Variants in ANXA4 observed in about 807,000 individuals in gnomAD.
ANXA4 encodes the protein annexin A4, also known as 35-beta calcimedin.
Under a neutral mutation model 49.8 loss-of-function variants are expected in ANXA4, and 39 were observed. That is an observed-to-expected ratio of 0.78 (90% CI 0.61 to 1.02). The LOEUF is 1.02. ANXA4 is among the 50% of genes least tolerant of loss of function. ANXA4 has a pLI of 0.00. For missense variants in ANXA4, 360 were observed against 410.1 expected (o/e 0.88, Z 1.05); for synonymous variants, 134 against 152.5 (o/e 0.88, Z 0.89).
At chr2:69,810,810 A>C in intron 7 of ANXA4, 137 bp downstream of exon 7, 3 of 674,576 alleles carry the variant, frequency 4.4e-6, no homozygotes, top group Non-Finnish European at 7.9e-6. Flanking sequence ...CTGTTCCTTT[A>C]TCTTATTTCT....
intron 2 of ANXA4, among the ~76,000 whole-genome samples, chr2:69,717,280 G>A (rs1669669291): frequency 6.6e-6 from 1 of 152,174 alleles, no homozygotes; most frequent in Non-Finnish European, 1.5e-5. Flanking sequence ...CTGGCATTGA[G>A]GTGGCAGGAG....
At chr2:69,789,041 C>A (rs1186449725) in intron 3 of ANXA4, among the ~76,000 whole-genome samples, 1 of 151,962 alleles carries the variant, frequency 6.6e-6, no homozygotes, top group African/African-American at 2.4e-5. Context: ...TTGTTTAAAC[C>A]TGCTTTGAAT....
At chr2:69,757,275 T>A (rs1188566877) in intron 1 of ANXA4, among the ~76,000 whole-genome samples, 80 of 105,554 alleles carry the variant, frequency 7.6e-4, no homozygotes, top group African/African-American at 4.6e-3. Flanking sequence ...TATTTTTTTT[T>A]TTTTTTTTTT....
intron 1 of ANXA4, among the ~76,000 whole-genome samples, chr2:69,751,967 T>C (rs1417453230): frequency 6.6e-6 from 1 of 152,198 alleles, no homozygotes; most frequent in African/African-American, 2.4e-5. Flanking sequence ...TAAAAAATCA[T>C]AGGACTGTAT....
chr2:69,715,975 C>T (rs937515766), intron 2 of ANXA4, among the ~76,000 whole-genome samples: 5 of 152,204 alleles, frequency 3.3e-5, no homozygotes, highest in Admixed American at 1.3e-4. Flanking sequence ...GCTGGGCACA[C>T]GTCACCAGCC....
chr2:69,782,658 G>A (rs1293455210), intron 2 of ANXA4, among the ~76,000 whole-genome samples: 5 of 152,116 alleles, frequency 3.3e-5, no homozygotes, highest in Admixed American at 6.5e-5. Flanking sequence ...CCTAGCCAAC[G>A]TGGAGAATAT....
intron 1 of ANXA4, among the ~76,000 whole-genome samples, chr2:69,746,657 G>T (rs1419375013): frequency 1.3e-5 from 2 of 152,126 alleles, no homozygotes; most frequent in Non-Finnish European, 2.9e-5. Context: ...CAAGTTGTTT[G>T]ATGTCAGTAA....
upstream of ANXA4, among the ~76,000 whole-genome samples, chr2:69,739,554 C>A (rs1209889971): frequency 6.6e-6 from 1 of 151,304 alleles, no homozygotes; most frequent in Non-Finnish European, 1.5e-5. Context: ...TAGAGGCGTG[C>A]GTCACTAGGC....
intron 3 of ANXA4, among the ~76,000 whole-genome samples, chr2:69,797,020 C>T (rs1302232886): frequency 6.6e-6 from 1 of 152,136 alleles, no homozygotes; most frequent in African/African-American, 2.4e-5. Flanking sequence ...AATCAAGGTT[C>T]CCTTCAGCTG....
At chr2:69,736,065 A>G (rs1419958412) in intron 3 of ANXA4, among the ~76,000 whole-genome samples, 1 of 152,140 alleles carries the variant, frequency 6.6e-6, no homozygotes, top group African/African-American at 2.4e-5. Flanking sequence ...TGAGCAAGAG[A>G]GCTAACCGAT....
At chr2:69,672,501 G>C (rs1677228529) in intron 2 of ANXA4, among the ~76,000 whole-genome samples, 1 of 152,078 alleles carries the variant, frequency 6.6e-6, no homozygotes, top group Admixed American at 6.6e-5. Flanking sequence ...CAAAGTGCTG[G>C]AATTACAGGT....
At chr2:69,745,358 T>C (rs954936192) in intron 1 of ANXA4, among the ~76,000 whole-genome samples, 12 of 152,072 alleles carry the variant, frequency 7.9e-5, no homozygotes, top group African/African-American at 2.9e-4. Flanking sequence ...CTGATGGAGC[T>C]GGGAAGGGTT....
chr2:69,825,577 T>C lies in ANXA4; in HGVS notation c.*62T>C. ...CTTTGAATTTTTTTAACTTCATTTT[T>C]CTACACTGCTATTATCATTATCTCA... On this transcript the variant is annotated 3_prime_UTR_variant, in exon 13 of 13. Transcript: ENST00000394295. The C allele has an allele frequency of 2.4e-6, 3 of 1,237,534 alleles. No homozygotes were observed. Among genetic ancestry groups the C allele is most frequent in the Middle Eastern group, 1.9e-4 (1 of 5,318 alleles). 76.7% of individuals were successfully genotyped at this position (1,237,534 alleles called of 1,614,324 possible). A position where few individuals can be genotyped will look rare whatever the true frequency, so the allele number is the denominator to read the frequency against.
At chr2:69,789,263 G>T (rs896025074) in intron 3 of ANXA4, among the ~76,000 whole-genome samples, 1 of 152,066 alleles carries the variant, frequency 6.6e-6, no homozygotes, top group South Asian at 2.1e-4. Context: ...CAGAGAGGCC[G>T]AGTAACTCTC....
intron 2 of ANXA4, among the ~76,000 whole-genome samples, chr2:69,658,171 G>A (rs1373819756): frequency 6.6e-6 from 1 of 152,112 alleles, no homozygotes; most frequent in Admixed American, 6.6e-5. Flanking sequence ...GCTGAGGCAG[G>A]AGGATCACTT....
chr2:69,789,530 C>T (rs973053218), intron 3 of ANXA4, among the ~76,000 whole-genome samples: 1 of 152,102 alleles, frequency 6.6e-6, no homozygotes, highest in Non-Finnish European at 1.5e-5. Context: ...AGGTTGCAGA[C>T]AGACACACAC....
At chr2:69,705,715 T>A (rs920079912) in intron 2 of ANXA4, among the ~76,000 whole-genome samples, 4 of 152,122 alleles carry the variant, frequency 2.6e-5, no homozygotes, top group African/African-American at 7.2e-5. Context: ...GTGGATCACT[T>A]GAGGTCAGGA....
At chr2:69,787,930 G>C (rs1573255503) in intron 2 of ANXA4, 124 bp from the exon 3 acceptor site, 1 of 796,308 alleles carries the variant, frequency 1.3e-6, no homozygotes, top group Non-Finnish European at 2.1e-6. Flanking sequence ...GGTCACTACT[G>C]TACCCCTAGC....
Position 69,781,501 on chromosome 2 carries a change from C to T in ANXA4, c.-46-19C>T. ...CCATTTCCTTCATCACAGTAATTTC[C>T]CCTCTGCTTTTATCACAGAAGAACT... is the stretch of plus-strand genomic sequence containing the variant. On this transcript the variant is annotated intron_variant, in intron 1 of 12. Coordinates refer to ENST00000394295, the MANE Select transcript of ANXA4 (RefSeq NM_001153.5). 1 of 1,589,838 alleles carries T rather than the reference C, an allele frequency of 6.3e-7. No individual in the cohort carries two copies. The highest frequency in any genetic ancestry group is 8.6e-7 in the Non-Finnish European group (1 of 1,158,536).
Sources: allele counts gnomAD v4.1 joint callset (sites outside exome capture counted in the v4.1 genomes callset), GRCh38; gene constraint gnomAD v4.1.1; transcripts MANE v1.5; gene names NCBI Gene and HGNC (gene_info 2026-07-23, HGNC 2026-07-21).